Variants in USP43 observed in about 807,000 individuals in gnomAD.
USP43 encodes ubiquitin specific peptidase 43, also known as ubiquitin carboxyl-terminal hydrolase 43.
A neutral mutation model predicts 90.7 loss-of-function variants in USP43; 33 were observed. That is an observed-to-expected ratio of 0.36 (90% confidence interval 0.28 to 0.49). The LOEUF (loss-of-function observed/expected upper bound fraction) is 0.49, where lower values mean the gene tolerates loss of function less well. Among genes scored for constraint, USP43 ranks in the 20% least tolerant of loss-of-function variants. USP43 has a pLI of 0.98. For missense variants in USP43, 1,274 were observed against 1,476.4 expected (o/e 0.86, Z 2.25); for synonymous variants, 598 against 615.8 (o/e 0.97, Z 0.43).
intron 12 of USP43, among the ~76,000 whole-genome samples, chr17:9,704,947 T>G (rs1462901727): frequency 3.9e-5 from 6 of 152,212 alleles, no homozygotes; most frequent in Non-Finnish European, 7.3e-5. Flanking sequence ...CATTTCAGAT[T>G]TTTAGAAATC....
At position 9,674,575 on chromosome 17, in the gene USP43, A is replaced by G. The variant is rs180988586; in HGVS notation, c.741-316A>G. ...ACTTAGCGTGCTGTTTTCAAGGTTCATCCACGTTGTAGTATGGACCAGGGG... is the reference window on the plus strand; with the variant it reads ...ACTTAGCGTGCTGTTTTCAAGGTTCGTCCACGTTGTAGTATGGACCAGGGG... On this transcript the variant is annotated intron_variant, in intron 3 of 14. Coordinates refer to ENST00000285199, the MANE Select transcript of USP43 (RefSeq NM_153210.5). The surrounding 1 kb of genome is among the most constrained non-coding windows in gnomAD (Gnocchi z 4.4). Among the ~76,000 whole-genome samples, 8 of 152,292 alleles carry G rather than the reference A, an allele frequency of 5.3e-5. No individual in the cohort carries two copies. In the East Asian group the frequency reaches 1.5e-3, roughly 29 times the overall value.
At chr17:9,649,012 A>G (rs1037784328) in intron 1 of USP43, among the ~76,000 whole-genome samples, 3 of 149,690 alleles carry the variant, frequency 2.0e-5, no homozygotes, top group African/African-American at 7.4e-5. Context: ...TCTCTTTAAG[A>G]GAGAGTGTCA....
At chr17:9,662,742 C>T (rs1912733145) in intron 2 of USP43, among the ~76,000 whole-genome samples, 1 of 152,108 alleles carries the variant, frequency 6.6e-6, no homozygotes, top group Admixed American at 6.5e-5. Context: ...TCAGGTACTC[C>T]TCCTTGTGTA....
chr17:9,655,020 G>A (rs2151962977), intron 1 of USP43, among the ~76,000 whole-genome samples: 1 of 144,490 alleles, frequency 6.9e-6, no homozygotes, highest in Admixed American at 7.3e-5. Flanking sequence ...TTACAGGCAT[G>A]AGCCACTGCA....
chr17:9,700,169 C>A lies in USP43; in HGVS notation c.1458-3C>A. The A allele has an allele frequency of 6.2e-7, 1 of 1,600,604 alleles. No individual in the cohort carries two copies. The highest frequency in any genetic ancestry group is 1.1e-5 in the South Asian group (1 of 88,122). On this transcript the variant is annotated splice_polypyrimidine_tract_variant and splice_region_variant and intron_variant, in intron 9 of 14. Coordinates refer to ENST00000285199, the MANE Select transcript of USP43 (RefSeq NM_153210.5). Reference sequence around the variant, plus strand: ...CTGATGGGCTCCCTTGTTCTCTTCTCAGGGTTTTGCATCTCAGGAGGCCAG... The same window carrying A: ...CTGATGGGCTCCCTTGTTCTCTTCTAAGGGTTTTGCATCTCAGGAGGCCAG...
At chr17:9,647,061 C>CAAAAAAAAAAAAAAAAAAAAAA (rs11305216) in intron 1 of USP43, 35 of 79,772 alleles carry the variant, frequency 4.4e-4, no homozygotes, top group Middle Eastern at 6.4e-3. Flanking sequence ...TTGCTTCCTG[C>CAAAAAAAAAAAAAAAAAAAAAA]AAAAAAAAAA....
intron 14 of USP43, among the ~76,000 whole-genome samples, chr17:9,726,549 T>C (rs889360656): frequency 3.3e-5 from 5 of 152,196 alleles, no homozygotes; most frequent in African/African-American, 1.2e-4. Context: ...TGTCCTCACA[T>C]GGCAGGAAGA....
At chr17:9,712,378 A>T (rs1297720554) in intron 14 of USP43, among the ~76,000 whole-genome samples, 2 of 152,178 alleles carry the variant, frequency 1.3e-5, no homozygotes, top group East Asian at 1.9e-4. Context: ...ATAAGCAAGT[A>T]AACCTGGGAA....
chr17:9,667,709 C>T (rs1031912823), intron 3 of USP43, among the ~76,000 whole-genome samples: 3 of 152,046 alleles, frequency 2.0e-5, no homozygotes, highest in African/African-American at 2.4e-5. Context: ...GCACAGTGGT[C>T]GGGATTTAGA....
Position 9,688,239 on chromosome 17 carries a change from G to A in USP43, c.1353+1330G>A, listed in dbSNP as rs769341292. On this transcript the variant is annotated intron_variant, in intron 8 of 14. Coordinates refer to ENST00000285199, the MANE Select transcript of USP43 (RefSeq NM_153210.5). ...CTTGACCTCGTGATCCACTGGCCTC[G>A]GCCTCCCAGAGTGCTGGGATTACAG... Among the ~76,000 whole-genome samples, 4 of 139,894 alleles carry A rather than the reference G, an allele frequency of 2.9e-5. 1 individual carries two copies. Among genetic ancestry groups the A allele is most frequent in the East Asian group, 5.9e-4 (2 of 3,368 alleles). The allele number at this position is 139,894 out of a possible 152,430, so 91.8% of individuals were successfully genotyped here.
At chr17:9,692,359 C>G (rs1915010250) in intron 8 of USP43, among the ~76,000 whole-genome samples, 1 of 152,026 alleles carries the variant, frequency 6.6e-6, no homozygotes, top group African/African-American at 2.4e-5. Context: ...ACTTTGTCGT[C>G]TCAAAAAAAA....
chr17:9,682,944 G>A lies in USP43; in HGVS notation c.1227G>A (p.Gly409=), dbSNP rs575867525. The part of the protein sequence containing the change: ...LILFCNLVGS[G]QQASRFGPPF... ...TCTTCTGTAACTTGGTGGGGTCAGG[G>A]CAGCAGGCTAGCAGGTATGTTTCAC... is the stretch of plus-strand genomic sequence containing the variant. Residue 409 remains glycine, a synonymous_variant, in exon 7 of 15, where the codon GGG becomes GGA. Coordinates refer to ENST00000285199, the MANE Select transcript of USP43 (RefSeq NM_153210.5). The A allele has an allele frequency of 6.2e-7, 1 of 1,613,812 alleles. No individual in the cohort carries two copies. The highest frequency in any genetic ancestry group is 1.1e-5 in the South Asian group (1 of 91,034).
intron 6 of USP43, among the ~76,000 whole-genome samples, chr17:9,681,461 A>T (rs1174118225): frequency 4.6e-5 from 3 of 65,038 alleles, no homozygotes; most frequent in African/African-American, 1.2e-4. Flanking sequence ...TATAAAATAT[A>T]TTATATATAT....
chr17:9,698,795 G>A (rs957269163), intron 9 of USP43, among the ~76,000 whole-genome samples: 2 of 152,194 alleles, frequency 1.3e-5, no homozygotes, highest in African/African-American at 4.8e-5. Flanking sequence ...TGTGGATTGA[G>A]GCAGAAAGAG....
In USP43 at chr17:9,693,203, G is replaced by A. The variant is rs769838418; in HGVS notation, c.1430G>A (p.Arg477Gln). Residue 477 changes from arginine (R) to glutamine (Q), a missense_variant, in exon 9 of 15, where the codon CGG (arginine) becomes CAG (glutamine). Physicochemically the swap from Arg to Gln is conservative, Grantham distance 43 (BLOSUM62 1). Around this residue, in one of 6 missense-constraint regions of USP43, gnomAD observed 253 missense variants for 276.0 expected, o/e 0.92. Coordinates refer to ENST00000285199, the MANE Select transcript of USP43 (RefSeq NM_153210.5). The part of the protein sequence containing the change: ...ACSYLSPKDS[R>Q]PLCHWAVDRV... ...AGCTATTTGTCTCCGAAGGACAGTC[G>A]GCCCCTCTGTCACTGGGCAGTTGAC... is the stretch of plus-strand genomic sequence containing the variant. 13 of 1,613,034 alleles carry A rather than the reference G, an allele frequency of 8.1e-6. No individual in the cohort carries two copies. The highest frequency in any genetic ancestry group is 2.7e-5 in the African/African-American group (2 of 74,862).
At chr17:9,680,094 G>T in intron 5 of USP43, 137 bp from the exon 6 acceptor site, 1 of 784,258 alleles carries the variant, frequency 1.3e-6, no homozygotes, top group South Asian at 1.9e-5. Context: ...CTACTATGCT[G>T]CCTTATTACT....
intron 14 of USP43, among the ~76,000 whole-genome samples, chr17:9,727,584 A>G (rs560568316): frequency 6.6e-6 from 1 of 152,274 alleles, no homozygotes; most frequent in East Asian, 1.9e-4. Context: ...TATGACCTAG[A>G]AAAGCAGGAA....
In USP43 at chr17:9,701,578, T is replaced by C. The variant is rs772055169; in HGVS notation, c.1889T>C (p.Leu630Pro). 5 of 1,571,186 alleles carry C rather than the reference T, an allele frequency of 3.2e-6. No homozygotes were observed. The highest frequency in any genetic ancestry group is 4.3e-6 in the Non-Finnish European group (5 of 1,158,796). Residue 630 changes from leucine to proline, a missense_variant, in exon 12 of 15, where the codon CTG becomes CCG. Leu to Pro is a moderately conservative substitution (Grantham distance 98). This residue lies in a region of USP43 where 285 missense variants were observed against 349.6 expected (regional missense o/e 0.82). Coordinates refer to ENST00000285199, the MANE Select transcript of USP43 (RefSeq NM_153210.5). This position sits in a 1 kb window ranked among gnomAD's most constrained non-coding sequence, Gnocchi z 7.2. Reference sequence around the variant, plus strand: ...AGAAGCACCAGCCCTGAGGCAGGACTGGGCCCCTGGCCTTCCTGGAAGCAG... The same window carrying C: ...AGAAGCACCAGCCCTGAGGCAGGACCGGGCCCCTGGCCTTCCTGGAAGCAG... ...AQRSTSPEAG[L>P]GPWPSWKQPD...
chr17:9,650,206 C>T (rs1158288864), intron 1 of USP43, among the ~76,000 whole-genome samples: 2 of 152,062 alleles, frequency 1.3e-5, no homozygotes, highest in Admixed American at 1.3e-4. Flanking sequence ...AAGCTTAATT[C>T]CTACAAATGG....
Sources: allele counts gnomAD v4.1 joint callset (sites outside exome capture counted in the v4.1 genomes callset), GRCh38; gene constraint gnomAD v4.1.1; regional missense constraint gnomAD v4.1.1; non-coding constraint Gnocchi (gnomAD v3.1); transcripts MANE v1.5; gene names NCBI Gene and HGNC (gene_info 2026-07-23, HGNC 2026-07-21).